PPP2R2B: variants seen among roughly 807,000 people sequenced by gnomAD.
PPP2R2B encodes serine/threonine-protein phosphatase 2A 55 kDa regulatory subunit B beta isoform.
A neutral mutation model predicts 46.0 loss-of-function variants in PPP2R2B; 5 were observed. That is an observed-to-expected ratio of 0.11 (90% CI 0.06 to 0.23). The LOEUF is 0.23. PPP2R2B is among the 10% of genes least tolerant of loss of function. The pLI is 1.00. For synonymous variants in PPP2R2B, 215 were observed against 206.7 expected, an observed-to-expected ratio of 1.04 and a Z score of -0.34; for missense variants, 367 against 575.0, an observed-to-expected ratio of 0.64 and a Z score of 3.70.
chr5:146,688,140 T>C (rs1778623304), intron 5 of PPP2R2B, among the ~76,000 whole-genome samples: 1 of 151,960 alleles, frequency 6.6e-6, no homozygotes, highest in Non-Finnish European at 1.5e-5. Context: ...TGCTGTGGTG[T>C]GGATGTTTAC....
intron 2 of PPP2R2B, among the ~76,000 whole-genome samples, chr5:146,800,937 C>T (rs1487928707): frequency 2.6e-5 from 4 of 151,428 alleles, no homozygotes. Context: ...CACACACACA[C>T]ACACACACAT....
chr5:147,009,854 C>T (rs187754602), intron 1 of PPP2R2B, among the ~76,000 whole-genome samples: 1 of 142,974 alleles, frequency 7.0e-6, no homozygotes, highest in African/African-American at 2.8e-5. Flanking sequence ...TATATATATA[C>T]ACACACACAT....
intron 1 of PPP2R2B, among the ~76,000 whole-genome samples, chr5:146,901,848 G>A (rs1762846471): frequency 6.6e-6 from 1 of 152,168 alleles, no homozygotes; most frequent in Non-Finnish European, 1.5e-5. Context: ...AAATGGAATA[G>A]TAGTGCAAAC....
At chr5:147,002,402 G>A (rs567692397) in intron 1 of PPP2R2B, among the ~76,000 whole-genome samples, 1 of 152,030 alleles carries the variant, frequency 6.6e-6, no homozygotes, top group Non-Finnish European at 1.5e-5. Flanking sequence ...TCCAACTCTG[G>A]AGATCCCTTC....
chr5:146,831,177 T>C (rs1465476609), intron 2 of PPP2R2B, among the ~76,000 whole-genome samples: 1 of 151,106 alleles, frequency 6.6e-6, no homozygotes, highest in East Asian at 1.9e-4. Context: ...CTTCTGCTTA[T>C]AAAAAAAAAG....
At chr5:146,912,196 G>T (rs1407670364) in intron 1 of PPP2R2B, among the ~76,000 whole-genome samples, 5 of 130,862 alleles carry the variant, frequency 3.8e-5, no homozygotes, top group African/African-American at 1.5e-4. Context: ...CCGAGATCGC[G>T]CCACTGCACT....
chr5:146,777,866 C>G (rs1755281782), intron 2 of PPP2R2B, among the ~76,000 whole-genome samples: 1 of 152,072 alleles, frequency 6.6e-6, no homozygotes. Flanking sequence ...CATATTAATC[C>G]ATGTCTATAA....
At chr5:146,986,269 G>T (rs566128272) in intron 1 of PPP2R2B, among the ~76,000 whole-genome samples, 1 of 152,252 alleles carries the variant, frequency 6.6e-6, no homozygotes, top group African/African-American at 2.4e-5. Flanking sequence ...GTACCAACTT[G>T]CCACAGAAAA....
At chr5:147,044,451 G>T (rs1366167965) in intron 1 of PPP2R2B, among the ~76,000 whole-genome samples, 4 of 152,152 alleles carry the variant, frequency 2.6e-5, no homozygotes, top group Non-Finnish European at 4.4e-5. Context: ...GGGAATAGGT[G>T]TGCTACAAGA....
intron 1 of PPP2R2B, among the ~76,000 whole-genome samples, chr5:147,027,150 C>T (rs1337973453): frequency 1.3e-5 from 2 of 152,122 alleles, no homozygotes; most frequent in Non-Finnish European, 2.9e-5. Context: ...ATCACAAGAA[C>T]ATTTTGCTGG....
chr5:146,637,595 T>C (rs1192253753), intron 7 of PPP2R2B, among the ~76,000 whole-genome samples: 2 of 152,236 alleles, frequency 1.3e-5, no homozygotes, highest in East Asian at 1.9e-4. Context: ...CTGATCATAC[T>C]ACTCCTCTGG....
chr5:146,944,931 T>C (rs1296399219), intron 1 of PPP2R2B, among the ~76,000 whole-genome samples: 1 of 152,194 alleles, frequency 6.6e-6, no homozygotes, highest in Non-Finnish European at 1.5e-5. Flanking sequence ...CAGCTTCTGT[T>C]ATTTAACCAA....
chr5:146,672,463 T>G (rs1018360253), intron 5 of PPP2R2B, among the ~76,000 whole-genome samples: 36 of 151,954 alleles, frequency 2.4e-4, no homozygotes, highest in African/African-American at 8.7e-4. Context: ...GAGTCTGGAA[T>G]TAGAGGCAAA....
intron 1 of PPP2R2B, among the ~76,000 whole-genome samples, chr5:146,976,186 A>G (rs1263341751): frequency 6.6e-6 from 1 of 151,206 alleles, no homozygotes; most frequent in Non-Finnish European, 1.5e-5. Flanking sequence ...CTCCCAGGCT[A>G]CAGTGAAGTG....
chr5:146,786,117 A>T (rs995958985), intron 2 of PPP2R2B, among the ~76,000 whole-genome samples: 4 of 152,196 alleles, frequency 2.6e-5, no homozygotes, highest in African/African-American at 9.6e-5. Context: ...TACACATTGT[A>T]TGCATGTATC....
At chr5:146,796,661 C>A (rs1756558015) in intron 2 of PPP2R2B, among the ~76,000 whole-genome samples, 2 of 152,146 alleles carry the variant, frequency 1.3e-5, no homozygotes, top group African/African-American at 4.8e-5. Flanking sequence ...AACAAATGTA[C>A]AATTTGGGAA....
At chr5:146,595,536 T>A (rs77891656) in intron 8 of PPP2R2B, among the ~76,000 whole-genome samples, 2,611 of 152,280 alleles carry the variant, frequency 0.017, 64 homozygotes, top group African/African-American at 0.06. Context: ...GAAGTTGGGA[T>A]AGATTCAAGG....
At chr5:146,994,945 T>C (rs1396563150) in intron 1 of PPP2R2B, among the ~76,000 whole-genome samples, 1 of 152,176 alleles carries the variant, frequency 6.6e-6, no homozygotes. Context: ...GATGGAAGTA[T>C]AGAATTCTTG....
chr5:146,952,238 T>C (rs1185903082), intron 1 of PPP2R2B, among the ~76,000 whole-genome samples: 1 of 152,126 alleles, frequency 6.6e-6, no homozygotes, highest in Non-Finnish European at 1.5e-5. Context: ...AAGTCCTTTG[T>C]AATGATCACT....
Sources: gnomAD v4.1 joint callset for allele counts (sites outside exome capture counted in the v4.1 genomes callset) on GRCh38, gnomAD v4.1.1 for gene constraint, MANE v1.5 for transcripts, NCBI Gene and HGNC (gene_info 2026-07-23, HGNC 2026-07-21) for gene names.